The following TRIM33 variants were observed in gnomAD, a reference collection of about 807,000 sequenced individuals.
TRIM33 encodes the protein E3 ubiquitin-protein ligase TRIM33.
A neutral mutation model predicts 125.4 loss-of-function variants in TRIM33; 20 were observed. That is an observed-to-expected ratio of 0.16 (90% CI 0.11 to 0.23). The LOEUF is 0.23. TRIM33 is among the 10% of genes least tolerant of loss of function. The pLI, the probability that TRIM33 is intolerant of heterozygous loss-of-function variation, is 1.00. For missense variants in TRIM33, 920 were observed against 1,411.4 expected, an observed-to-expected ratio of 0.65 and a Z score of 5.58; for synonymous variants, 564 against 513.9, an observed-to-expected ratio of 1.10 and a Z score of -1.32.
At chr1:114,419,495 C>T (rs558990761) in intron 11 of TRIM33, among the ~76,000 whole-genome samples, 1 of 152,068 alleles carries the variant, frequency 6.6e-6, no homozygotes, top group East Asian at 1.9e-4. Context: ...TTATATATTG[C>T]CTGTGAAAGC....
chr1:114,467,488 T>C (rs1650369967), intron 1 of TRIM33, among the ~76,000 whole-genome samples: 1 of 152,120 alleles, frequency 6.6e-6, no homozygotes, highest in African/African-American at 2.4e-5. Context: ...TTATGACTGC[T>C]GAGGAAGAAT....
intron 1 of TRIM33, among the ~76,000 whole-genome samples, chr1:114,481,876 C>T (rs1031592866): frequency 1.5e-4 from 23 of 152,080 alleles, no homozygotes; most frequent in African/African-American, 5.5e-4. Context: ...TCTCCTGCCT[C>T]AGCCCCCTAG....
chr1:114,500,746 CA>C lies in TRIM33; in HGVS notation c.526+9804del, dbSNP rs371461723. 4.3e-4 allele frequency among the ~76,000 whole-genome samples: 60 copies of C among 138,190 alleles called. 1 individual carries two copies. Among genetic ancestry groups the C allele is most frequent in the East Asian group, 6.3e-4 (3 of 4,758 alleles). The allele number at this position is 138,190 out of a possible 152,430, so 90.7% of individuals were successfully genotyped here. A position where few individuals can be genotyped will look rare whatever the true frequency, so the allele number is the denominator to read the frequency against. Reference sequence around the variant, plus strand: ...ATTATTATAAAGCTACTAAGAACAGCAAAAAAAAAAGGAGGAAAAACTATTT... The same window carrying C: ...ATTATTATAAAGCTACTAAGAACAGCAAAAAAAAAGGAGGAAAAACTATTT... On this transcript the variant is annotated intron_variant, in intron 1 of 19. Transcript: ENST00000358465.
chr1:114,503,790 C>T (rs1420499083), intron 1 of TRIM33, among the ~76,000 whole-genome samples: 1 of 152,172 alleles, frequency 6.6e-6, no homozygotes, highest in Admixed American at 6.5e-5. Context: ...AAATGACAGG[C>T]TCAATTCATT....
rs758474653 is a variant in TRIM33, at chr1:114,505,267, G to A, written c.526+5284C>T. 7.6e-4 allele frequency among the ~76,000 whole-genome samples: 116 copies of A among 152,256 alleles called. 2 individuals are homozygous for A. Among genetic ancestry groups the A allele is most frequent in the Non-Finnish European group, 1.1e-3 (73 of 68,010 alleles). ...ACTGGTTGTTGGTGGAGTACCACAT[G>A]ATCATTCAAACACTCAAGCTTGTTT... On this transcript the variant is annotated intron_variant, in intron 1 of 19. Coordinates refer to ENST00000358465, the MANE Select transcript of TRIM33 (RefSeq NM_015906.4).
chr1:114,470,158 C>G (rs1465693509), intron 1 of TRIM33, among the ~76,000 whole-genome samples: 3 of 152,090 alleles, frequency 2.0e-5, no homozygotes, highest in African/African-American at 7.2e-5. Flanking sequence ...TTCTTATATT[C>G]TTGAAGTTAT....
chr1:114,426,130 G>C (rs1340573309), intron 8 of TRIM33, among the ~76,000 whole-genome samples: 1 of 152,182 alleles, frequency 6.6e-6, no homozygotes, highest in Admixed American at 6.5e-5. Flanking sequence ...GCAAGGCAGA[G>C]CATTACAATG....
intron 1 of TRIM33, among the ~76,000 whole-genome samples, chr1:114,481,651 GTGTGTGTGTGTA>G (rs1011333467): frequency 2.8e-5 from 4 of 142,452 alleles, no homozygotes; most frequent in Non-Finnish European, 6.1e-5. Context: ...GTGTGTGTGT[GTGTGTGTGTGTA>G]TATATATGTG....
intron 1 of TRIM33, among the ~76,000 whole-genome samples, chr1:114,466,044 A>AATAAAT (rs1650280184): frequency 1.3e-5 from 2 of 152,096 alleles, no homozygotes; most frequent in Non-Finnish European, 2.9e-5. Context: ...CGGTCTCAAA[A>AATAAAT]AAAAAAATAA....
chr1:114,434,651 G>A (rs887306503), intron 4 of TRIM33, among the ~76,000 whole-genome samples: 1 of 151,994 alleles, frequency 6.6e-6, no homozygotes. Flanking sequence ...AAGTTATTAA[G>A]TCAACAAATA....
intron 1 of TRIM33, among the ~76,000 whole-genome samples, chr1:114,496,711 AAT>A (rs1652387270): frequency 6.6e-6 from 1 of 152,226 alleles, no homozygotes; most frequent in African/African-American, 2.4e-5. Context: ...GGAAAATTTT[AAT>A]TAACTCACCA....
chr1:114,407,928 A>G (rs1652347655), intron 13 of TRIM33, among the ~76,000 whole-genome samples: 1 of 152,200 alleles, frequency 6.6e-6, no homozygotes, highest in African/African-American at 2.4e-5. Flanking sequence ...GAATGATACA[A>G]TAATTAAAAT....
At chr1:114,468,366 T>G (rs1650432140) in intron 1 of TRIM33, 1 of 300,416 alleles carries the variant, frequency 3.3e-6, no homozygotes, top group Non-Finnish European at 6.4e-6. Context: ...AGAAGTAAAA[T>G]CAGCAGCAGC....
At chr1:114,508,313 G>C (rs1187694430) in intron 1 of TRIM33, among the ~76,000 whole-genome samples, 2 of 152,068 alleles carry the variant, frequency 1.3e-5, no homozygotes, top group African/African-American at 2.4e-5. Context: ...AAATTTCAGA[G>C]AGCCAATTTC....
At chr1:114,410,761 CA>C (rs1208722898) in intron 11 of TRIM33, among the ~76,000 whole-genome samples, 1 of 141,888 alleles carries the variant, frequency 7.0e-6, no homozygotes, top group East Asian at 1.9e-4. Context: ...TAGCTTGACA[CA>C]CAAGGCCCCT....
intron 4 of TRIM33, among the ~76,000 whole-genome samples, chr1:114,451,372 T>C (rs1649302965): frequency 1.5e-5 from 2 of 134,052 alleles, no homozygotes; most frequent in African/African-American, 6.0e-5. Flanking sequence ...ATTACCCTGC[T>C]TTAAAAAAAA....
At chr1:114,429,360 GT>G (rs1392442712) in intron 6 of TRIM33, among the ~76,000 whole-genome samples, 67 of 141,758 alleles carry the variant, frequency 4.7e-4, no homozygotes, top group Admixed American at 5.7e-4. Context: ...GCTAATTTTT[GT>G]TTTTTTTTTT....
rs777363478 is a variant in TRIM33 at position 114,421,545 on chromosome 1, G to T, written c.1952C>A (p.Ala651Glu). 4.3e-6 allele frequency: 7 copies of T among 1,613,986 alleles called. No individual in the cohort carries two copies. The highest frequency in any genetic ancestry group is 5.9e-6 in the Non-Finnish European group (7 of 1,180,020). The change falls in exon 11 of 20, where the codon GCA (alanine) becomes GAA (glutamate). Residue 651 changes from alanine to glutamate, a missense_variant. This residue lies in a region of TRIM33 where 407 missense variants were observed against 589.7 expected (regional missense o/e 0.69). Transcript: ENST00000358465. ...NPTSPTTATM[A>E]NANRGPTSPS... ...GCTGGTGGGACCTCGGTTTGCATTTGCCATAGTTGCTGTAGTAGGGCTCGT... is the reference window on the plus strand; with the variant it reads ...GCTGGTGGGACCTCGGTTTGCATTTTCCATAGTTGCTGTAGTAGGGCTCGT...
rs1651584704 is a variant in TRIM33 at position 114,397,253 on chromosome 1, C to G, written c.*395G>C. 1 of 269,174 alleles carries G rather than the reference C, an allele frequency of 3.7e-6. No individual in the cohort carries two copies. The highest frequency in any genetic ancestry group is 1.2e-3 in the Middle Eastern group (1 of 838). The allele number at this position is 269,174 out of a possible 1,614,324, so 16.7% of individuals were successfully genotyped here. A position where few individuals can be genotyped will look rare whatever the true frequency, so the allele number is the denominator to read the frequency against. On this transcript the variant is annotated 3_prime_UTR_variant, in exon 20 of 20. Coordinates refer to ENST00000358465, the MANE Select transcript of TRIM33 (RefSeq NM_015906.4). Reference sequence around the variant, plus strand: ...AAAGTTGTTTTAATAACTGTGCGACCTAGTCCAAAAAGAAAATTTATCAAG... The same window carrying G: ...AAAGTTGTTTTAATAACTGTGCGACGTAGTCCAAAAAGAAAATTTATCAAG...
Sources: gnomAD v4.1 joint callset for allele counts (sites outside exome capture counted in the v4.1 genomes callset) on GRCh38, gnomAD v4.1.1 for gene constraint, gnomAD v4.1.1 regional missense constraint, MANE v1.5 for transcripts, NCBI Gene and HGNC (gene_info 2026-07-23, HGNC 2026-07-21) for gene names.